Variants in ADAMTS2 observed in about 807,000 individuals in gnomAD.
ADAMTS2 encodes the protein A disintegrin and metalloproteinase with thrombospondin motifs 2.
A neutral mutation model predicts 123.0 loss-of-function variants in ADAMTS2; 50 were observed. That is an observed-to-expected ratio of 0.41 (90% CI 0.32 to 0.51). The LOEUF is 0.51. ADAMTS2 is among the 20% of genes least tolerant of loss of function. ADAMTS2 has a pLI of 0.35. For missense variants in ADAMTS2, 1,494 were observed against 1,705.2 expected (o/e 0.88, Z 2.18); for synonymous variants, 678 against 695.4 (o/e 0.98, Z 0.39).
At chr5:179,218,770 C>T (rs1353011860) in intron 3 of ADAMTS2, among the ~76,000 whole-genome samples, 1 of 152,134 alleles carries the variant, frequency 6.6e-6, no homozygotes, top group African/African-American at 2.4e-5. Context: ...GACAGATGGA[C>T]GCTCCAGCCC....
rs76334918 is a variant in ADAMTS2, at chr5:179,314,713, A to T, written c.534+29054T>A. Among the ~76,000 whole-genome samples the T allele has an allele frequency of 0.014, 2,170 of 152,106 alleles. 56 individuals carry two copies. The highest frequency in any genetic ancestry group is 0.05 in the African/African-American group (2,080 of 41,492). On this transcript the variant is annotated intron_variant, in intron 2 of 21. Transcript: ENST00000251582. This position sits in a 1 kb window ranked among gnomAD's most constrained non-coding sequence, Gnocchi z 4.5. ...CTGGGGGCTTCCACGCTCTTCCACC[A>T]AGCCCTTGTAGCCTTCCTGCACCCA...
At chr5:179,265,895 C>T (rs1766356501) in intron 3 of ADAMTS2, among the ~76,000 whole-genome samples, 1 of 152,252 alleles carries the variant, frequency 6.6e-6, no homozygotes, top group African/African-American at 2.4e-5. Flanking sequence ...GCTGCAGGCT[C>T]AGCTCCAGGG....
Position 179,284,190 on chromosome 5 carries a change from T to A in ADAMTS2, c.535-11126A>T, listed in dbSNP as rs1304439718. Among the ~76,000 whole-genome samples the A allele has an allele frequency of 1.1e-4, 16 of 148,650 alleles. 1 individual carries two copies. The highest frequency in any genetic ancestry group is 2.0e-4 in the Admixed American group (3 of 14,914). On this transcript the variant is annotated intron_variant, in intron 2 of 21. Transcript: ENST00000251582. ...CTAAAAACACAAAAATTAGCCGGGC[T>A]TGGTGGTACGCGCCTGTGGTCCCAG...
Position 179,188,454 on chromosome 5 carries a change from A to G in ADAMTS2, c.892-7299T>C, listed in dbSNP as rs969549138. On this transcript the variant is annotated intron_variant, in intron 4 of 21. Coordinates refer to ENST00000251582, the MANE Select transcript of ADAMTS2 (RefSeq NM_014244.5). This position sits in a 1 kb window ranked among gnomAD's most constrained non-coding sequence, Gnocchi z 5.1. ...CGTGGAGGAAGAGTTTAGGCATTGCATGGTGCCTAAACGGGGCTGCCAGAG... is the reference window on the plus strand; with the variant it reads ...CGTGGAGGAAGAGTTTAGGCATTGCGTGGTGCCTAAACGGGGCTGCCAGAG... Among the ~76,000 whole-genome samples, 7 of 152,178 alleles carry G rather than the reference A, an allele frequency of 4.6e-5. No homozygotes were observed. The highest frequency in any genetic ancestry group is 1.2e-4 in the African/African-American group (5 of 41,442).
At chr5:179,298,691 A>AG (rs963354656) in intron 2 of ADAMTS2, among the ~76,000 whole-genome samples, 25 of 152,160 alleles carry the variant, frequency 1.6e-4, no homozygotes, top group Middle Eastern at 3.4e-3. Context: ...AGAGGGGTTG[A>AG]GGGGGAGGCA....
chr5:179,267,006 C>T (rs1221641219), intron 3 of ADAMTS2, among the ~76,000 whole-genome samples: 1 of 152,204 alleles, frequency 6.6e-6, no homozygotes, highest in Non-Finnish European at 1.5e-5. Context: ...GGCGCCATCC[C>T]CACCTTGGGT....
In ADAMTS2 at chr5:179,343,844, C is replaced by A. The variant is rs765539729; in HGVS notation, c.457G>T (p.Gly153Trp). The part of the protein sequence containing the change: ...KGTTRVEPLL[G>W]SCLYVGDVAG... ...ACGTCTCCGACGTAGAGACAGCTCCCGAGCAGGGGCTCCACGCGGGTGGTG... is the reference window on the plus strand; with the variant it reads ...ACGTCTCCGACGTAGAGACAGCTCCAGAGCAGGGGCTCCACGCGGGTGGTG... Residue 153 changes from glycine (G) to tryptophan (W), a missense_variant, in exon 2 of 22, where the codon GGG becomes TGG. This residue lies in a region of ADAMTS2 where 237 missense variants were observed against 233.7 expected (regional missense o/e 1.01). Transcript: ENST00000251582. 7 of 1,603,602 alleles carry A rather than the reference C, an allele frequency of 4.4e-6. No individual in the cohort carries two copies. The East Asian group carries it at 1.1e-4, about 26-fold the overall frequency.
chr5:179,123,022 CTG>C (rs923853397), intron 19 of ADAMTS2, among the ~76,000 whole-genome samples: 9 of 152,262 alleles, frequency 5.9e-5, no homozygotes, highest in African/African-American at 2.2e-4. Flanking sequence ...CATATACAGA[CTG>C]GCATAGGCCT....
rs1198309600 is a variant in ADAMTS2 at position 179,152,204 on chromosome 5, G to A, written c.1567C>T (p.Pro523Ser). 2 of 1,614,090 alleles carry A rather than the reference G, an allele frequency of 1.2e-6. No homozygotes were observed. Among genetic ancestry groups the A allele is most frequent in the Admixed American group, 3.3e-5 (2 of 60,020 alleles). ...KQLWCSHPDN[P>S]YFCKTKKGPP... ...CCCTTCTTGGTCTTGCAAAAGTAGGGGTTGTCAGGATGGCTGCACCACAGC... is the reference window on the plus strand; with the variant it reads ...CCCTTCTTGGTCTTGCAAAAGTAGGAGTTGTCAGGATGGCTGCACCACAGC... The change falls in exon 10 of 22, where the codon CCC (proline) becomes TCC (serine). Residue 523 changes from proline (P) to serine (S), a missense_variant. Physicochemically the swap from Pro to Ser is moderately conservative, Grantham distance 74. Coordinates refer to ENST00000251582, the MANE Select transcript of ADAMTS2 (RefSeq NM_014244.5).
chr5:179,238,013 AG>A, intron 3 of ADAMTS2, among the ~76,000 whole-genome samples: 1 of 152,156 alleles, frequency 6.6e-6, no homozygotes, highest in Non-Finnish European at 1.5e-5. Flanking sequence ...CGCCCCACGG[AG>A]GCCTTGAACA....
intron 2 of ADAMTS2, among the ~76,000 whole-genome samples, chr5:179,338,970 G>A (rs564554161): frequency 5.1e-4 from 77 of 152,206 alleles, no homozygotes; most frequent in Admixed American, 9.1e-4. Context: ...TTGAGTATGG[G>A]GTCATCCAGG....
intron 19 of ADAMTS2, 46 bp from the exon 20 acceptor site, chr5:179,122,819 C>A: frequency 6.5e-7 from 1 of 1,550,234 alleles, no homozygotes; most frequent in East Asian, 2.4e-5. Context: ...CCACACAGGG[C>A]CCGCACTGGC....
In ADAMTS2 at chr5:179,114,207, A is replaced by T; in HGVS notation, c.3296T>A (p.Leu1099His). 6.2e-7 allele frequency: 1 copy of T among 1,611,882 alleles called. No individual in the cohort carries two copies. The highest frequency in any genetic ancestry group is 1.3e-5 in the African/African-American group (1 of 74,934). The change falls in exon 22 of 22, where the codon CTC (leucine) becomes CAC (histidine). Residue 1099 changes from leucine to histidine, a missense_variant. Transcript: ENST00000251582. ...CCKSCNLYNN[L>H]TNVEGRIEPP... Reference sequence around the variant, plus strand: ...CTCTATCCTGCCCTCCACGTTGGTGAGGTTGTTGTACAGGTTACAGGACTT... The same window carrying T: ...CTCTATCCTGCCCTCCACGTTGGTGTGGTTGTTGTACAGGTTACAGGACTT...
In ADAMTS2 at chr5:179,129,991, C is replaced by T. The variant is rs747447840; in HGVS notation, c.2398G>A (p.Glu800Lys). ...AMGVEWEYRDEDGRETLQTMG... is the reference protein window; with the variant it reads ...AMGVEWEYRDKDGRETLQTMG... ...GTCTGCAGCGTCTCCCGGCCGTCCT[C>T]GTCTCTGTACTCCCACTCCACGCCC... The change falls in exon 16 of 22, where the codon GAG becomes AAG. Residue 800 changes from glutamate to lysine, a missense_variant. This residue lies in a region of ADAMTS2 where 953 missense variants were observed against 1,124.7 expected (regional missense o/e 0.85). Coordinates refer to ENST00000251582, the MANE Select transcript of ADAMTS2 (RefSeq NM_014244.5). This position sits in a 1 kb window ranked among gnomAD's most constrained non-coding sequence, Gnocchi z 4.1. 1.4e-5 allele frequency: 23 copies of T among 1,614,102 alleles called. No individual in the cohort carries two copies. The highest frequency in any genetic ancestry group is 2.2e-5 in the East Asian group (1 of 44,872).
At chr5:179,325,811 T>C (rs1757298038) in intron 2 of ADAMTS2, among the ~76,000 whole-genome samples, 1 of 152,258 alleles carries the variant, frequency 6.6e-6, no homozygotes. Context: ...GCCCCGGTTT[T>C]CTGTCACTTG....
At chr5:179,241,742 C>T (rs1466762458) in intron 3 of ADAMTS2, among the ~76,000 whole-genome samples, 1 of 152,218 alleles carries the variant, frequency 6.6e-6, no homozygotes, top group African/African-American at 2.4e-5. Flanking sequence ...AGATAATGCA[C>T]ATGAAGTTTC....
intron 2 of ADAMTS2, among the ~76,000 whole-genome samples, chr5:179,322,468 G>A (rs964292304): frequency 6.6e-5 from 10 of 152,196 alleles, no homozygotes; most frequent in East Asian, 1.9e-4. Context: ...TCTGATCCAC[G>A]CCCTCCCTTG....
intron 4 of ADAMTS2, among the ~76,000 whole-genome samples, chr5:179,195,799 A>G (rs1004295982): frequency 4.6e-5 from 7 of 152,210 alleles, no homozygotes; most frequent in Non-Finnish European, 8.8e-5. Flanking sequence ...CCAGCGGGAC[A>G]AGCGTGAGGA....
intron 2 of ADAMTS2, among the ~76,000 whole-genome samples, chr5:179,323,527 G>A (rs1344978368): frequency 6.6e-6 from 1 of 152,242 alleles, no homozygotes; most frequent in Non-Finnish European, 1.5e-5. Flanking sequence ...ACTGCCCTGT[G>A]GGAGCTCCCT....
Sources: gnomAD v4.1 joint callset for allele counts (sites outside exome capture counted in the v4.1 genomes callset) on GRCh38, gnomAD v4.1.1 for gene constraint, gnomAD v4.1.1 regional missense constraint, Gnocchi (gnomAD v3.1) non-coding constraint, MANE v1.5 for transcripts, NCBI Gene and HGNC (gene_info 2026-07-23, HGNC 2026-07-21) for gene names.